The following DAB1 variants were observed in gnomAD, a reference collection of about 807,000 sequenced individuals.
DAB1 encodes the protein disabled homolog 1.
In DAB1, 15 loss-of-function variants were observed where a neutral mutation model predicts 64.6. The observed-to-expected ratio is 0.23, with a 90% CI of 0.16 to 0.36. The LOEUF (loss-of-function observed/expected upper bound fraction) is 0.36. DAB1 is among the 10% of genes least tolerant of loss of function. The pLI, the probability that DAB1 is intolerant of heterozygous loss-of-function variation, is 1.00. For missense variants in DAB1, 596 were observed against 706.7 expected, an observed-to-expected ratio of 0.84 and a Z score of 1.78; for synonymous variants, 235 against 251.9, an observed-to-expected ratio of 0.93 and a Z score of 0.64.
At chr1:57,900,501 C>A (rs1190121144) in intron 5 of DAB1, among the ~76,000 whole-genome samples, 3 of 152,200 alleles carry the variant, frequency 2.0e-5, no homozygotes, top group Non-Finnish European at 4.4e-5. Context: ...GGCCTTGCAG[C>A]CCTGATGGCT....
chr1:57,122,766 T>A (rs1656775986), intron 4 of DAB1, among the ~76,000 whole-genome samples: 1 of 152,150 alleles, frequency 6.6e-6, no homozygotes, highest in South Asian at 2.1e-4. Context: ...ATTACTAGAA[T>A]GAAGAACAAG....
chr1:58,458,800 C>T (rs563413500), intron 3 of DAB1, among the ~76,000 whole-genome samples: 1 of 150,476 alleles, frequency 6.6e-6, no homozygotes, highest in Admixed American at 6.6e-5. Context: ...GGGTGACAGA[C>T]AAAGATTCTG....
chr1:57,839,075 C>G (rs1357367114), intron 1 of DAB1, among the ~76,000 whole-genome samples: 2 of 152,104 alleles, frequency 1.3e-5, no homozygotes, highest in Non-Finnish European at 2.9e-5. Flanking sequence ...GCCACTGCAC[C>G]CAGCCAAATT....
intron 7 of DAB1, among the ~76,000 whole-genome samples, chr1:57,568,647 T>A (rs1390473879): frequency 1.3e-5 from 2 of 152,134 alleles, no homozygotes; most frequent in Non-Finnish European, 2.9e-5. Context: ...AAAAGAAGAC[T>A]TTTATGCAGC....
At chr1:57,975,717 G>A (rs1261177159) in intron 5 of DAB1, among the ~76,000 whole-genome samples, 1 of 152,118 alleles carries the variant, frequency 6.6e-6, no homozygotes, top group Non-Finnish European at 1.5e-5. Context: ...GGTGGGATCC[G>A]ATGAAATGTA....
At chr1:57,736,312 G>A (rs1647689745) in intron 6 of DAB1, among the ~76,000 whole-genome samples, 1 of 152,204 alleles carries the variant, frequency 6.6e-6, no homozygotes, top group African/African-American at 2.4e-5. Flanking sequence ...AGGATGCTAG[G>A]ACCCCAAAGC....
intron 4 of DAB1, among the ~76,000 whole-genome samples, chr1:58,238,454 C>T (rs897245081): frequency 6.6e-6 from 1 of 152,016 alleles, no homozygotes; most frequent in African/African-American, 2.4e-5. Context: ...CCAGGTAGTT[C>T]AGAATAGATG....
chr1:57,701,916 A>G (rs1306763383), intron 6 of DAB1, among the ~76,000 whole-genome samples: 1 of 152,080 alleles, frequency 6.6e-6, no homozygotes, highest in East Asian at 1.9e-4. Context: ...TTTCTGCACT[A>G]TCTTGGAATT....
At chr1:58,466,685 C>A (rs918157169) in intron 3 of DAB1, among the ~76,000 whole-genome samples, 7 of 152,212 alleles carry the variant, frequency 4.6e-5, no homozygotes, top group Non-Finnish European at 1.5e-5. Flanking sequence ...CTTCCCTCCA[C>A]CTACCCTCAC....
chr1:57,526,466 C>G (rs1253740366), intron 7 of DAB1, among the ~76,000 whole-genome samples: 3 of 152,124 alleles, frequency 2.0e-5, no homozygotes, highest in Non-Finnish European at 4.4e-5. Flanking sequence ...TCTCCAGACT[C>G]TATCCAAGAA....
In DAB1 at chr1:57,419,273, G is replaced by A. The variant is rs114199464; in HGVS notation, c.-137+4657C>T. Among the ~76,000 whole-genome samples the A allele has an allele frequency of 3.0e-3, 450 of 152,306 alleles. 3 individuals carry two copies. Among genetic ancestry groups the A allele is most frequent in the African/African-American group, 0.01 (425 of 41,572 alleles). ...TCCAAGAATCCTGAGTTGCGATGGCGCCTCTGGGCTGTAAAGTTACGTATC... is the reference window on the plus strand; with the variant it reads ...TCCAAGAATCCTGAGTTGCGATGGCACCTCTGGGCTGTAAAGTTACGTATC... On this transcript the variant is annotated intron_variant, in intron 1 of 14. Transcript: ENST00000371236.
At chr1:57,109,957 C>A (rs1315981189) in intron 4 of DAB1, among the ~76,000 whole-genome samples, 1 of 152,138 alleles carries the variant, frequency 6.6e-6, no homozygotes, top group East Asian at 1.9e-4. Flanking sequence ...CAGAAATTTA[C>A]CACTTTCCTC....
intron 3 of DAB1, among the ~76,000 whole-genome samples, chr1:58,447,500 T>G (rs1247803894): frequency 6.6e-6 from 1 of 152,144 alleles, no homozygotes; most frequent in Non-Finnish European, 1.5e-5. Context: ...CAATTACATG[T>G]TGGGCACCAT....
At chr1:57,012,857 T>C (rs908111310) in intron 12 of DAB1, among the ~76,000 whole-genome samples, 2 of 152,244 alleles carry the variant, frequency 1.3e-5, no homozygotes, top group Non-Finnish European at 2.9e-5. Context: ...CTGGCAGGTA[T>C]ACTGCTCAGA....
At chr1:57,268,564 G>T (rs1403962898) in intron 2 of DAB1, among the ~76,000 whole-genome samples, 1 of 152,142 alleles carries the variant, frequency 6.6e-6, no homozygotes, top group African/African-American at 2.4e-5. Flanking sequence ...CATCCTGGTA[G>T]GAGGTGAAAA....
At chr1:58,360,763 A>G (rs1156378017) in intron 3 of DAB1, among the ~76,000 whole-genome samples, 1 of 152,204 alleles carries the variant, frequency 6.6e-6, no homozygotes, top group Non-Finnish European at 1.5e-5. Context: ...ATTAGAACCT[A>G]TAGTAACTTA....
At position 58,483,771 on chromosome 1, in the gene DAB1, T is replaced by C. The variant is rs1645528419; in HGVS notation, n.257+22289A>G. Among the ~76,000 whole-genome samples the C allele has an allele frequency of 1.3e-5, 2 of 152,230 alleles. 1 individual carries two copies. The highest frequency in any genetic ancestry group is 4.1e-4 in the South Asian group (2 of 4,826). ...TGCTAGCAAGATTTGCACTGAGACATCAGGCATGAGCCATGACTGTCTCTG... is the reference window on the plus strand; with the variant it reads ...TGCTAGCAAGATTTGCACTGAGACACCAGGCATGAGCCATGACTGTCTCTG... On this transcript the variant is annotated intron_variant and non_coding_transcript_variant, in intron 3 of 20. Transcript: ENST00000485760.
chr1:57,086,952 T>C (rs1442920872), intron 4 of DAB1, among the ~76,000 whole-genome samples: 3 of 152,312 alleles, frequency 2.0e-5, no homozygotes, highest in East Asian at 3.9e-4. Context: ...GTCAAAGATC[T>C]GTGGTGTCCA....
intron 5 of DAB1, among the ~76,000 whole-genome samples, chr1:58,100,073 T>TA (rs112492785): frequency 1.3e-5 from 2 of 152,212 alleles, no homozygotes. Flanking sequence ...CATTTTTTTT[T>TA]ATCGTGGTAA....
Sources: gnomAD v4.1 joint callset for allele counts (sites outside exome capture counted in the v4.1 genomes callset) on GRCh38, gnomAD v4.1.1 for gene constraint, MANE v1.5 for transcripts, NCBI Gene and HGNC (gene_info 2026-07-23, HGNC 2026-07-21) for gene names.